Variants in PLPP3 observed in about 807,000 individuals in gnomAD.
PLPP3 encodes phospholipid phosphatase 3.
A neutral mutation model predicts 29.6 loss-of-function variants in PLPP3; 6 were observed. That is an observed-to-expected ratio of 0.20 (90% CI 0.11 to 0.40). The LOEUF (loss-of-function observed/expected upper bound fraction) is 0.40. Among genes scored for constraint, PLPP3 ranks in the 10% least tolerant of loss-of-function variants. The pLI, the probability that PLPP3 is intolerant of heterozygous loss-of-function variation, is 1.00. For synonymous variants in PLPP3, 152 were observed against 159.7 expected, an observed-to-expected ratio of 0.95 and a Z score of 0.36; for missense variants, 308 against 407.7, an observed-to-expected ratio of 0.76 and a Z score of 2.11.
At chr1:56,576,719 G>A (rs748409025) in intron 1 of PLPP3, among the ~76,000 whole-genome samples, 10 of 152,150 alleles carry the variant, frequency 6.6e-5, no homozygotes, top group Non-Finnish European at 8.8e-5. Flanking sequence ...AAGACCAACA[G>A]TGAATAAATA....
chr1:56,533,947 T>C (rs1191006926), intron 2 of PLPP3, among the ~76,000 whole-genome samples: 1 of 152,214 alleles, frequency 6.6e-6, no homozygotes, highest in African/African-American at 2.4e-5. Context: ...AGCATTTTTA[T>C]GGCTAGGGAG....
chr1:56,508,003 T>C (rs953888605), intron 5 of PLPP3, among the ~76,000 whole-genome samples: 2 of 152,330 alleles, frequency 1.3e-5, no homozygotes, highest in South Asian at 4.1e-4. Context: ...AGATGGAATG[T>C]GTTCCACCTT....
rs1233360336 is a variant in PLPP3, at chr1:56,510,561, C to A, written c.810+1415G>T. Among the ~76,000 whole-genome samples, 3 of 152,182 alleles carry A rather than the reference C, an allele frequency of 2.0e-5. No individual in the cohort carries two copies. In the East Asian group the frequency reaches 5.8e-4, roughly 29 times the overall value. On this transcript the variant is annotated intron_variant, in intron 5 of 5. Coordinates refer to ENST00000371250, the MANE Select transcript of PLPP3 (RefSeq NM_003713.5). The stretch of plus-strand genomic sequence containing the variant: ...AGGTGCTTCCCTGCCTGCTGAAGCC[C>A]CCTACACATGTCACTATGACAGCCC...
At chr1:56,512,850 T>C (rs1345452198) in intron 4 of PLPP3, 1 of 152,168 alleles carries the variant, frequency 6.6e-6, no homozygotes, top group East Asian at 1.9e-4. Context: ...TAACCAGGGC[T>C]TGTAAAGGTT....
At chr1:56,526,618 T>C (rs181427948) in intron 2 of PLPP3, among the ~76,000 whole-genome samples, 3 of 152,292 alleles carry the variant, frequency 2.0e-5, no homozygotes, top group East Asian at 3.9e-4. Context: ...GGAAGAGCAC[T>C]GAACTAGGAG....
intron 1 of PLPP3, among the ~76,000 whole-genome samples, chr1:56,550,042 G>T (rs1646027930): frequency 6.6e-6 from 1 of 152,162 alleles, no homozygotes; most frequent in African/African-American, 2.4e-5. Context: ...GGCCAGAAAG[G>T]GACGCTGGGT....
chr1:56,563,670 A>G (rs1646144672), intron 1 of PLPP3, among the ~76,000 whole-genome samples: 1 of 152,240 alleles, frequency 6.6e-6, no homozygotes, highest in Non-Finnish European at 1.5e-5. Flanking sequence ...GACCTCTGCT[A>G]CTGATTAGCT....
chr1:56,518,110 A>ATAG (rs1196864124), intron 4 of PLPP3, among the ~76,000 whole-genome samples: 1 of 152,210 alleles, frequency 6.6e-6, no homozygotes, highest in Admixed American at 6.5e-5. Flanking sequence ...GTACTCAGAA[A>ATAG]TAGATGGATG....
chr1:56,555,421 A>C (rs1432849961), intron 1 of PLPP3, among the ~76,000 whole-genome samples: 6 of 132,092 alleles, frequency 4.5e-5, no homozygotes, highest in Non-Finnish European at 6.4e-5. Flanking sequence ...CAGGAGAAGG[A>C]AGGCCAAACA....
At chr1:56,543,220 G>C (rs1194592717) in intron 1 of PLPP3, among the ~76,000 whole-genome samples, 1 of 152,172 alleles carries the variant, frequency 6.6e-6, no homozygotes, top group East Asian at 1.9e-4. Context: ...CCTGGACCTT[G>C]AAGGAGTTTA....
intron 5 of PLPP3, among the ~76,000 whole-genome samples, chr1:56,503,782 ATTCAG>A (rs1377617688): frequency 6.6e-6 from 1 of 152,158 alleles, no homozygotes; most frequent in East Asian, 1.9e-4. Flanking sequence ...TCATTCATTC[ATTCAG>A]TTATTTATTT....
chr1:56,510,176 TGTCCTCCTGCTGAGAGCAAAGC>T (rs1645730819), intron 5 of PLPP3, among the ~76,000 whole-genome samples: 1 of 152,172 alleles, frequency 6.6e-6, no homozygotes, highest in Admixed American at 6.5e-5. Context: ...CCCCGCGGGC[TGTCCTCCTGCTGAGAGCAAAGC>T]TCAGAAGGGC....
At chr1:56,521,326 A>C (rs1354561745) in intron 4 of PLPP3, among the ~76,000 whole-genome samples, 1 of 152,142 alleles carries the variant, frequency 6.6e-6, no homozygotes, top group Non-Finnish European at 1.5e-5. Flanking sequence ...GTAATATCAC[A>C]TAAACACATG....
chr1:56,553,391 G>C (rs1646053240), intron 1 of PLPP3, among the ~76,000 whole-genome samples: 1 of 152,160 alleles, frequency 6.6e-6, no homozygotes, highest in South Asian at 2.1e-4. Flanking sequence ...GCTTTAGTTA[G>C]CTGGCTCCTG....
intron 5 of PLPP3, among the ~76,000 whole-genome samples, chr1:56,499,588 C>T (rs1472176926): frequency 6.6e-6 from 1 of 152,130 alleles, no homozygotes; most frequent in Admixed American, 6.6e-5. Flanking sequence ...GAGGGGGAAC[C>T]ACATACTCAA....
intron 4 of PLPP3, among the ~76,000 whole-genome samples, chr1:56,519,225 T>C (rs1645802725): frequency 6.6e-6 from 1 of 152,042 alleles, no homozygotes; most frequent in African/African-American, 2.4e-5. Flanking sequence ...CCAAATCACC[T>C]CCTCCTTTTC....
chr1:56,550,350 C>T (rs930964710), intron 1 of PLPP3, among the ~76,000 whole-genome samples: 1 of 152,174 alleles, frequency 6.6e-6, no homozygotes, highest in Non-Finnish European at 1.5e-5. Flanking sequence ...TTTGCCAGAA[C>T]TCTCCAGGAA....
chr1:56,502,900 G>A (rs115555765), intron 5 of PLPP3, among the ~76,000 whole-genome samples: 1,839 of 152,220 alleles, frequency 0.012, 40 homozygotes, highest in African/African-American at 0.042. Context: ...TGCTCCTTTT[G>A]CATGCATTCC....
chr1:56,536,955 C>T lies in PLPP3; in HGVS notation c.297G>A (p.Ala99=), dbSNP rs1136164. 48,177 of 1,613,174 alleles carry T rather than the reference C, an allele frequency of 0.03. 2,361 individuals are homozygous for T. The highest frequency in any genetic ancestry group is 0.18 in the East Asian group (8,267 of 44,828). The change falls in exon 2 of 6, where the codon GCG becomes GCA. Residue 99 remains alanine (A), a splice_region_variant and synonymous_variant. Coordinates refer to ENST00000371250, the MANE Select transcript of PLPP3 (RefSeq NM_003713.5). ...ACCATAGCAGAGTCTGGACACTTAC[C>T]GCGAGGATGGCAATGACGATCCCCA... ...CAVGIVIAIL[A]IITGEFYRIY...
Sources: gnomAD v4.1 joint callset for allele counts (sites outside exome capture counted in the v4.1 genomes callset) on GRCh38, gnomAD v4.1.1 for gene constraint, MANE v1.5 for transcripts, NCBI Gene and HGNC (gene_info 2026-07-23, HGNC 2026-07-21) for gene names.